The following DLG2 variants were observed in gnomAD, a reference collection of about 807,000 sequenced individuals.
The protein encoded by DLG2 is discs large MAGUK scaffold protein 2.
A neutral mutation model predicts 132.5 loss-of-function variants in DLG2; 45 were observed. The observed-to-expected ratio is 0.34, with a 90% confidence interval of 0.27 to 0.44. The LOEUF (loss-of-function observed/expected upper bound fraction) is 0.44. Ranked by LOEUF, DLG2 falls within the 20% of genes least tolerant of loss-of-function variation. The pLI is 1.00. For missense variants in DLG2, 1,045 were observed against 1,196.9 expected (o/e 0.87, Z 1.87); for synonymous variants, 424 against 419.6 (o/e 1.01, Z -0.13).
chr11:84,142,295 T>C (rs995565473), intron 9 of DLG2, among the ~76,000 whole-genome samples: 3 of 129,210 alleles, frequency 2.3e-5, no homozygotes, highest in Admixed American at 1.9e-4. Flanking sequence ...CACTCTAGCC[T>C]GGAGACAGAG....
At chr11:84,989,319 G>C (rs987603309) in intron 6 of DLG2, among the ~76,000 whole-genome samples, 1 of 152,096 alleles carries the variant, frequency 6.6e-6, no homozygotes, top group Non-Finnish European at 1.5e-5. Context: ...GGGATTATAG[G>C]CATCTGCCAC....
chr11:84,641,590 AC>A lies in DLG2; in HGVS notation c.358-106860del, dbSNP rs1424613660. Among the ~76,000 whole-genome samples the A allele has an allele frequency of 5.3e-5, 8 of 152,042 alleles. No individual in the cohort carries two copies. The East Asian group carries it at 1.4e-3, about 26-fold the overall frequency. The stretch of plus-strand genomic sequence containing the variant: ...TTTTCTGTATAGTAGCCTGGATTTG[AC>A]CTATCTCTCCCTATATGCTTCGCTT... On this transcript the variant is annotated intron_variant, in intron 6 of 27. Coordinates refer to ENST00000376104, the MANE Select transcript of DLG2 (RefSeq NM_001142699.3).
chr11:85,138,563 C>T (rs1366643662), intron 5 of DLG2, among the ~76,000 whole-genome samples: 1 of 152,054 alleles, frequency 6.6e-6, no homozygotes, highest in Non-Finnish European at 1.5e-5. Context: ...TGGTTGTGTC[C>T]CCACCCAAAT....
intron 17 of DLG2, among the ~76,000 whole-genome samples, chr11:83,806,505 T>A (rs890010849): frequency 6.6e-6 from 1 of 152,208 alleles, no homozygotes; most frequent in African/African-American, 2.4e-5. Flanking sequence ...CCTCCATATA[T>A]AGTCATTGTT....
intron 3 of DLG2, among the ~76,000 whole-genome samples, chr11:85,502,979 T>C (rs2093839734): frequency 6.6e-6 from 1 of 152,068 alleles, no homozygotes; most frequent in Non-Finnish European, 1.5e-5. Context: ...AATAGAATGA[T>C]ATATACCAAT....
chr11:83,733,812 G>T (rs1349783622), intron 18 of DLG2, among the ~76,000 whole-genome samples: 1 of 152,174 alleles, frequency 6.6e-6, no homozygotes, highest in Non-Finnish European at 1.5e-5. Context: ...GTGCAGTTTT[G>T]TTACATGGAT....
chr11:83,884,861 C>T (rs1158021055), intron 15 of DLG2, among the ~76,000 whole-genome samples: 1 of 152,136 alleles, frequency 6.6e-6, no homozygotes, highest in African/African-American at 2.4e-5. Context: ...CTCTAGCAAA[C>T]TCCAACAGAC....
intron 7 of DLG2, among the ~76,000 whole-genome samples, chr11:84,520,865 T>C (rs944122740): frequency 6.6e-6 from 1 of 152,178 alleles, no homozygotes; most frequent in African/African-American, 2.4e-5. Context: ...CATCAGTATA[T>C]AAATGTGGAA....
chr11:84,176,419 T>C (rs1251741583), intron 8 of DLG2, among the ~76,000 whole-genome samples: 1 of 150,556 alleles, frequency 6.6e-6, no homozygotes, highest in Admixed American at 6.7e-5. Context: ...TGTATATATA[T>C]GTATATATAC....
chr11:83,473,645 T>C (rs148641769), intron 22 of DLG2, among the ~76,000 whole-genome samples: 4 of 152,198 alleles, frequency 2.6e-5, no homozygotes, highest in Non-Finnish European at 4.4e-5. Context: ...AGCAATAGGT[T>C]AGGGCTGTTG....
chr11:85,228,959 T>C (rs2075135005), intron 4 of DLG2, among the ~76,000 whole-genome samples: 1 of 151,436 alleles, frequency 6.6e-6, no homozygotes, highest in Non-Finnish European at 1.5e-5. Flanking sequence ...TATTTTATCT[T>C]TTTTATTGGC....
intron 7 of DLG2, among the ~76,000 whole-genome samples, chr11:84,418,755 A>G (rs867702079): frequency 6.6e-6 from 1 of 152,186 alleles, no homozygotes; most frequent in Non-Finnish European, 1.5e-5. Flanking sequence ...CTCAACCTAG[A>G]ATAAATACGC....
chr11:84,561,606 C>A (rs1004146323), intron 6 of DLG2, among the ~76,000 whole-genome samples: 3 of 152,132 alleles, frequency 2.0e-5, no homozygotes, highest in African/African-American at 4.8e-5. Flanking sequence ...CTGCACCCAG[C>A]AAGCTCAGTG....
chr11:84,936,356 A>G (rs763659680), intron 6 of DLG2, among the ~76,000 whole-genome samples: 4 of 152,184 alleles, frequency 2.6e-5, no homozygotes, highest in African/African-American at 4.8e-5. Flanking sequence ...TGGTACAACT[A>G]CATGGAAGGG....
chr11:85,126,258 A>T (rs2152388539), intron 5 of DLG2, among the ~76,000 whole-genome samples: 1 of 152,334 alleles, frequency 6.6e-6, no homozygotes, highest in East Asian at 1.9e-4. Flanking sequence ...GTATAATGAA[A>T]GAAGATAAGA....
intron 19 of DLG2, chr11:83,631,618 T>C (rs2063572157): frequency 2.0e-5 from 3 of 152,126 alleles, no homozygotes; most frequent in Admixed American, 6.6e-5. Flanking sequence ...TAATATCATA[T>C]CACTTCATTT....
At chr11:83,504,974 A>ATGAGCCCACT (rs56974184) in intron 21 of DLG2, among the ~76,000 whole-genome samples, 54,385 of 151,584 alleles carry the variant, frequency 0.36, 9,755 homozygotes, top group Middle Eastern at 0.45. Flanking sequence ...TTCCATGAGC[A>ATGAGCCCACT]GCCACACTTC....
chr11:83,568,792 C>T (rs191699462), intron 19 of DLG2, among the ~76,000 whole-genome samples: 1 of 152,260 alleles, frequency 6.6e-6, no homozygotes, highest in East Asian at 1.9e-4. Flanking sequence ...CCCAGGTTGT[C>T]ATGAGTTCAG....
intron 6 of DLG2, among the ~76,000 whole-genome samples, chr11:84,806,333 C>T (rs903719590): frequency 6.6e-6 from 1 of 151,906 alleles, no homozygotes; most frequent in African/African-American, 2.4e-5. Context: ...AGAAGCTGAG[C>T]AAAACCCAAA....
Sources: gnomAD v4.1 joint callset for allele counts (sites outside exome capture counted in the v4.1 genomes callset) on GRCh38, gnomAD v4.1.1 for gene constraint, MANE v1.5 for transcripts, NCBI Gene and HGNC (gene_info 2026-07-23, HGNC 2026-07-21) for gene names.